Variants in ZNF385D observed in about 807,000 individuals in gnomAD.
ZNF385D encodes the protein zinc finger protein 385D.
In ZNF385D, 15 loss-of-function variants were observed where a neutral mutation model predicts 35.8. The ratio of observed to expected loss-of-function variants is 0.42; its 90% CI spans 0.28 to 0.64. The LOEUF is 0.64. Ranked by LOEUF, ZNF385D falls within the 30% of genes least tolerant of loss-of-function variation. The pLI is 0.23. For missense variants in ZNF385D, 474 were observed against 494.6 expected, an observed-to-expected ratio of 0.96 and a Z score of 0.39; for synonymous variants, 212 against 186.8, an observed-to-expected ratio of 1.13 and a Z score of -1.10.
chr3:21,723,272 C>G (rs2068615579), intron 1 of ZNF385D, among the ~76,000 whole-genome samples: 1 of 152,208 alleles, frequency 6.6e-6, no homozygotes, highest in African/African-American at 2.4e-5. Flanking sequence ...TCCTCGCCAG[C>G]AAGGAAACAA....
At chr3:21,974,151 T>A (rs1481663299) in intron 3 of ZNF385D, among the ~76,000 whole-genome samples, 1 of 151,986 alleles carries the variant, frequency 6.6e-6, no homozygotes, top group Non-Finnish European at 1.5e-5. Flanking sequence ...ACTTGAGGAA[T>A]CACATTACCT....
At chr3:22,045,729 T>A (rs543658137) in intron 3 of ZNF385D, among the ~76,000 whole-genome samples, 1 of 152,152 alleles carries the variant, frequency 6.6e-6, no homozygotes, top group African/African-American at 2.4e-5. Context: ...CACTTCTATT[T>A]TTTTTTGTAT....
intron 4 of ZNF385D, among the ~76,000 whole-genome samples, chr3:21,487,229 A>T (rs1383458807): frequency 1.3e-5 from 2 of 152,124 alleles, no homozygotes; most frequent in Non-Finnish European, 2.9e-5. Context: ...TGTTTTTTCT[A>T]ACTCTTTAAC....
chr3:21,985,865 G>A (rs1694772685), intron 3 of ZNF385D, among the ~76,000 whole-genome samples: 1 of 125,268 alleles, frequency 8.0e-6, no homozygotes, highest in Non-Finnish European at 1.6e-5. Context: ...GGTCTATTCA[G>A]AGATTCAACT....
intron 4 of ZNF385D, among the ~76,000 whole-genome samples, chr3:21,457,364 TG>T (rs1162207870): frequency 2.0e-5 from 3 of 151,958 alleles, no homozygotes; most frequent in African/African-American, 7.2e-5. Context: ...TTGTTGTTGT[TG>T]TTGTTGTTGA....
chr3:21,706,827 GA>G (rs2067919329), intron 1 of ZNF385D, among the ~76,000 whole-genome samples: 2 of 55,252 alleles, frequency 3.6e-5, no homozygotes, highest in African/African-American at 8.9e-5. Flanking sequence ...TAGATAGATA[GA>G]TAGATAGATA....
intron 2 of ZNF385D, among the ~76,000 whole-genome samples, chr3:22,352,782 C>T (rs1485834199): frequency 2.6e-5 from 4 of 152,124 alleles, no homozygotes; most frequent in Admixed American, 1.3e-4. Flanking sequence ...ACAACTATTA[C>T]GTGTTTTCTG....
intron 3 of ZNF385D, among the ~76,000 whole-genome samples, chr3:21,968,774 G>A (rs1032973580): frequency 1.3e-5 from 2 of 152,138 alleles, no homozygotes; most frequent in African/African-American, 2.4e-5. Context: ...CTTGCTTTAG[G>A]TGTGACCCAG....
At chr3:21,706,966 A>T (rs576423474) in intron 1 of ZNF385D, among the ~76,000 whole-genome samples, 2 of 152,188 alleles carry the variant, frequency 1.3e-5, no homozygotes, top group African/African-American at 4.8e-5. Context: ...ATCCCTCTGT[A>T]TGCGTAGATA....
At chr3:22,069,751 T>G (rs1253162374) in intron 3 of ZNF385D, among the ~76,000 whole-genome samples, 3 of 152,156 alleles carry the variant, frequency 2.0e-5, no homozygotes, top group Admixed American at 6.6e-5. Context: ...ACATCAGTGA[T>G]AAGTCAACTG....
At chr3:22,304,116 T>C (rs1045564353) in intron 2 of ZNF385D, among the ~76,000 whole-genome samples, 14 of 152,312 alleles carry the variant, frequency 9.2e-5, no homozygotes, top group African/African-American at 3.4e-4. Context: ...ACTATAATTC[T>C]TAATAAAAAT....
chr3:21,789,437 C>T (rs1213074367), intron 3 of ZNF385D, among the ~76,000 whole-genome samples: 1 of 152,130 alleles, frequency 6.6e-6, no homozygotes, highest in Non-Finnish European at 1.5e-5. Flanking sequence ...GTTGTTGTTG[C>T]TCTAAACCTT....
rs371626265 is a variant in ZNF385D, at chr3:22,269,471, T to G, written c.107-100436A>C. On this transcript the variant is annotated intron_variant, in intron 2 of 5. Coordinates refer to the ZNF385D transcript ENST00000494108. ...GGATAAATGCATATCTTTCCAGGGC[T>G]AGGAAACAGCCAAGGAAGTTTAGGT... Among the ~76,000 whole-genome samples, 98 of 152,020 alleles carry G rather than the reference T, an allele frequency of 6.4e-4. 1 individual carries two copies. Among genetic ancestry groups the G allele is most frequent in the African/African-American group, 2.2e-3 (93 of 41,506 alleles).
intron 2 of ZNF385D, among the ~76,000 whole-genome samples, chr3:22,343,177 T>C (rs1695500559): frequency 6.6e-6 from 1 of 152,240 alleles, no homozygotes; most frequent in African/African-American, 2.4e-5. Context: ...ATAGATTGTA[T>C]TGTATTTGTA....
At chr3:21,599,202 A>G (rs910027727) in intron 2 of ZNF385D, among the ~76,000 whole-genome samples, 7 of 152,196 alleles carry the variant, frequency 4.6e-5, no homozygotes, top group Admixed American at 3.3e-4. Flanking sequence ...CATTTGATCA[A>G]TTTGGCTGAA....
At chr3:21,503,245 A>G (rs1275408010) in intron 4 of ZNF385D, among the ~76,000 whole-genome samples, 1 of 152,198 alleles carries the variant, frequency 6.6e-6, no homozygotes, top group Non-Finnish European at 1.5e-5. Flanking sequence ...CATAAAAATC[A>G]ATGTATGTGT....
chr3:21,842,247 T>C (rs1270723976), intron 3 of ZNF385D, among the ~76,000 whole-genome samples: 1 of 152,014 alleles, frequency 6.6e-6, no homozygotes, highest in East Asian at 1.9e-4. Flanking sequence ...ATAGAGCAGC[T>C]ACTCTCTGGA....
chr3:21,550,383 T>C (rs1234900944), intron 3 of ZNF385D, among the ~76,000 whole-genome samples: 1 of 152,170 alleles, frequency 6.6e-6, no homozygotes, highest in African/African-American at 2.4e-5. Flanking sequence ...ACATCATCAT[T>C]ATATTGACAC....
chr3:22,316,243 C>A (rs1051709738), intron 2 of ZNF385D, among the ~76,000 whole-genome samples: 6 of 152,176 alleles, frequency 3.9e-5, no homozygotes, highest in African/African-American at 9.6e-5. Flanking sequence ...CCATAAAAAA[C>A]CCCAGCCTTT....
Sources: allele counts gnomAD v4.1 joint callset (sites outside exome capture counted in the v4.1 genomes callset), GRCh38; gene constraint gnomAD v4.1.1; transcripts MANE v1.5; gene names NCBI Gene and HGNC (gene_info 2026-07-23, HGNC 2026-07-21).